DSCAM: variants seen among roughly 807,000 people sequenced by gnomAD.
DSCAM encodes cell adhesion molecule DSCAM.
A neutral mutation model predicts 217.7 loss-of-function variants in DSCAM; 47 were observed. The ratio of observed to expected loss-of-function variants is 0.22; its 90% CI spans 0.17 to 0.28. The LOEUF (loss-of-function observed/expected upper bound fraction) is 0.28, where lower values mean the gene tolerates loss of function less well. DSCAM is among the 10% of genes least tolerant of loss of function. DSCAM has a pLI of 1.00. For synonymous variants in DSCAM, 1,056 were observed against 1,015.3 expected (o/e 1.04, Z -0.76); for missense variants, 2,080 against 2,618.3 (o/e 0.79, Z 4.49).
intron 3 of DSCAM, among the ~76,000 whole-genome samples, chr21:40,400,737 G>A (rs557397735): frequency 1.2e-4 from 18 of 152,340 alleles, no homozygotes; most frequent in Admixed American, 3.9e-4. Context: ...ATTTCTTAAA[G>A]GTTAGTTGGA....
At chr21:40,521,487 G>A (rs996387972) in intron 3 of DSCAM, among the ~76,000 whole-genome samples, 2 of 152,090 alleles carry the variant, frequency 1.3e-5, no homozygotes, top group Non-Finnish European at 2.9e-5. Context: ...TTGTGGTTTG[G>A]ATTTGCATTT....
chr21:40,692,003 C>T (rs546211296), intron 3 of DSCAM, among the ~76,000 whole-genome samples: 9 of 152,324 alleles, frequency 5.9e-5, no homozygotes, highest in Admixed American at 5.2e-4. Flanking sequence ...GTGTGTGCAC[C>T]CGCATGTGAG....
chr21:40,124,257 G>C lies in DSCAM; in HGVS notation c.3634C>G (p.Pro1212Ala). Residue 1212 changes from proline to alanine, a missense_variant, in exon 20 of 33, where the codon CCT (proline) becomes GCT (alanine). Pro to Ala is a conservative substitution (Grantham distance 27, BLOSUM62 -1). This residue lies in a region of DSCAM where 1,144 missense variants were observed against 1,421.1 expected (regional missense o/e 0.81). Coordinates refer to ENST00000400454, the MANE Select transcript of DSCAM (RefSeq NM_001389.5). ...CGGATGATGCCGTTCAGCTTGAGAGGGGGAAGCCAGGACACAAAGACCATG... is the reference window on the plus strand; with the variant it reads ...CGGATGATGCCGTTCAGCTTGAGAGCGGGAAGCCAGGACACAAAGACCATG... Reference protein sequence around the residue: ...ASMVFVSWLPPLKLNGIIRKY... With the variant: ...ASMVFVSWLPALKLNGIIRKY... 1 of 1,614,000 alleles carries C rather than the reference G, an allele frequency of 6.2e-7. No homozygotes were observed. The highest frequency in any genetic ancestry group is 8.5e-7 in the Non-Finnish European group (1 of 1,180,018).
At chr21:40,326,954 T>A (rs1222109644) in intron 8 of DSCAM, among the ~76,000 whole-genome samples, 1 of 149,912 alleles carries the variant, frequency 6.7e-6, no homozygotes, top group African/African-American at 2.4e-5. Flanking sequence ...GTTTTATATT[T>A]ATATATCTTT....
intron 8 of DSCAM, among the ~76,000 whole-genome samples, chr21:40,313,894 T>G (rs2074167850): frequency 6.6e-6 from 1 of 152,266 alleles, no homozygotes; most frequent in South Asian, 2.1e-4. Flanking sequence ...TACGAGTTTT[T>G]CCTAATGAAG....
chr21:40,041,754 T>C (rs894206065), intron 32 of DSCAM, among the ~76,000 whole-genome samples: 6 of 152,192 alleles, frequency 3.9e-5, no homozygotes, highest in Admixed American at 2.6e-4. Flanking sequence ...TGTAATTCAG[T>C]GAGGCCAAGT....
chr21:40,722,995 T>C (rs2090917870), intron 1 of DSCAM, among the ~76,000 whole-genome samples: 1 of 151,374 alleles, frequency 6.6e-6, no homozygotes, highest in African/African-American at 2.4e-5. Context: ...ATGTACCTAA[T>C]AAAAGAGCTT....
chr21:40,626,002 T>G (rs755493736), intron 3 of DSCAM, among the ~76,000 whole-genome samples: 58 of 152,156 alleles, frequency 3.8e-4, no homozygotes, highest in Non-Finnish European at 7.5e-4. Context: ...TGAAAAAATA[T>G]GGACTTTACA....
intron 32 of DSCAM, among the ~76,000 whole-genome samples, chr21:40,040,462 A>C (rs976279083): frequency 5.3e-5 from 8 of 152,204 alleles, no homozygotes; most frequent in African/African-American, 1.9e-4. Context: ...CTGTGCCCTA[A>C]ATCACACACA....
chr21:40,712,155 A>C (rs2146490173), intron 1 of DSCAM, among the ~76,000 whole-genome samples: 2 of 152,332 alleles, frequency 1.3e-5, no homozygotes, highest in South Asian at 4.2e-4. Flanking sequence ...TATTACATTG[A>C]ATAAGGCAAT....
At chr21:40,065,323 G>A (rs947585502) in intron 27 of DSCAM, among the ~76,000 whole-genome samples, 1 of 152,076 alleles carries the variant, frequency 6.6e-6, no homozygotes, top group African/African-American at 2.4e-5. Flanking sequence ...TGCCAGGGCT[G>A]AGATGAGGGT....
chr21:40,620,938 T>C (rs1190203403), intron 3 of DSCAM, among the ~76,000 whole-genome samples: 1 of 152,194 alleles, frequency 6.6e-6, no homozygotes, highest in Non-Finnish European at 1.5e-5. Context: ...GTGACGACAT[T>C]GATGGATCTC....
chr21:40,371,217 T>C (rs1377924176), intron 3 of DSCAM, among the ~76,000 whole-genome samples: 1 of 152,216 alleles, frequency 6.6e-6, no homozygotes, highest in Non-Finnish European at 1.5e-5. Context: ...ATATTCCAGA[T>C]AATTTTGCTT....
chr21:40,188,126 ACT>A (rs1491508109), intron 12 of DSCAM, 139 bp from the exon 13 acceptor site: 1 of 606,686 alleles, frequency 1.6e-6, no homozygotes, highest in Non-Finnish European at 2.9e-6. Flanking sequence ...ACACACACAC[ACT>A]CACAAAACCC....
chr21:40,522,526 G>A (rs545732096), intron 3 of DSCAM, among the ~76,000 whole-genome samples: 6 of 152,168 alleles, frequency 3.9e-5, no homozygotes, highest in African/African-American at 1.2e-4. Flanking sequence ...TCTAGGTCAC[G>A]TTTTCTCTTT....
chr21:40,564,544 T>C (rs73366913), intron 3 of DSCAM, among the ~76,000 whole-genome samples: 5,940 of 152,262 alleles, frequency 0.039, 324 homozygotes, highest in African/African-American at 0.12. Flanking sequence ...GGGCATGGAC[T>C]TAGGGCTGAG....
chr21:40,278,543 A>G (rs1447738721), intron 10 of DSCAM, among the ~76,000 whole-genome samples: 1 of 152,116 alleles, frequency 6.6e-6, no homozygotes, highest in Non-Finnish European at 1.5e-5. Context: ...GACTAGCCAG[A>G]GTCACAGAGT....
At chr21:40,450,886 T>G (rs565435545) in intron 3 of DSCAM, among the ~76,000 whole-genome samples, 1 of 152,356 alleles carries the variant, frequency 6.6e-6, no homozygotes, top group South Asian at 2.1e-4. Flanking sequence ...TTTTTGCATC[T>G]TAGGATTTCA....
chr21:40,065,267 T>C (rs2089190418), intron 27 of DSCAM, among the ~76,000 whole-genome samples: 1 of 151,774 alleles, frequency 6.6e-6, no homozygotes, highest in African/African-American at 2.4e-5. Context: ...CGGGGGACAT[T>C]AGGTGAGGCT....
Sources: gnomAD v4.1 joint callset for allele counts (sites outside exome capture counted in the v4.1 genomes callset) on GRCh38, gnomAD v4.1.1 for gene constraint, gnomAD v4.1.1 regional missense constraint, MANE v1.5 for transcripts, NCBI Gene and HGNC (gene_info 2026-07-23, HGNC 2026-07-21) for gene names.